Variants in C3orf22 observed in about 807,000 individuals in gnomAD.
C3orf22 encodes the protein uncharacterized protein C3orf22.
C3orf22 carries 7 observed loss-of-function variants against 10.8 expected under a neutral mutation model. The ratio of observed to expected loss-of-function variants is 0.65; its 90% CI spans 0.37 to 1.22. The LOEUF (loss-of-function observed/expected upper bound fraction) is 1.22. Among genes scored for constraint, C3orf22 ranks in the 50% most tolerant of loss-of-function variants. The pLI, the probability that C3orf22 is intolerant of heterozygous loss-of-function variation, is 0.02. For missense variants in C3orf22, 173 were observed against 177.0 expected (o/e 0.98, Z 0.13); for synonymous variants, 79 against 78.9 (o/e 1.00, Z 0.00).
At chr3:126,531,252 T>C (rs1024707403) in intron 4 of C3orf22, among the ~76,000 whole-genome samples, 51 of 152,210 alleles carry the variant, frequency 3.4e-4, no homozygotes, top group African/African-American at 1.2e-3. Flanking sequence ...CCCGGGATTC[T>C]TGAGTTTAAT....
chr3:126,550,424 C>T (rs1937155636), intron 3 of C3orf22, among the ~76,000 whole-genome samples: 1 of 152,176 alleles, frequency 6.6e-6, no homozygotes, highest in African/African-American at 2.4e-5. Context: ...ATTTTTAGCA[C>T]CTGCCGGAGG....
At chr3:126,547,009 G>A (rs760073089), downstream of C3orf22, among the ~76,000 whole-genome samples, 10 of 152,178 alleles carry the variant, frequency 6.6e-5, no homozygotes, top group Non-Finnish European at 8.8e-5. Context: ...TGGCAGTGCC[G>A]ACATGAATGT....
chr3:126,542,142 A>G (rs750697623), intron 4 of C3orf22: 25 of 1,562,266 alleles, frequency 1.6e-5, no homozygotes, highest in Non-Finnish European at 2.1e-5. Flanking sequence ...GCCGCCTTCC[A>G]GAGGCGCTAC....
chr3:126,529,125 C>T (rs1936595476), intron 5 of C3orf22: 6 of 413,156 alleles, frequency 1.5e-5, no homozygotes, highest in South Asian at 9.1e-5. Context: ...GATGGCTGTG[C>T]CCTCACCCTG....
At chr3:126,538,748 T>A (rs1254721514) in intron 4 of C3orf22, among the ~76,000 whole-genome samples, 3 of 152,318 alleles carry the variant, frequency 2.0e-5, no homozygotes, top group Admixed American at 2.0e-4. Flanking sequence ...GTCTCCCAGG[T>A]GTCCCCATAC....
intron 2 of C3orf22, 146 bp downstream of exon 2, chr3:126,553,156 G>C (rs1272342370): frequency 5.6e-6 from 4 of 720,368 alleles, no homozygotes; most frequent in East Asian, 2.5e-5. Context: ...ACCCCAGACT[G>C]TCAGCTGGGC....
At chr3:126,546,274 G>A (rs560286165), downstream of C3orf22, among the ~76,000 whole-genome samples, 9 of 152,314 alleles carry the variant, frequency 5.9e-5, no homozygotes, top group South Asian at 4.1e-4. Context: ...GAAGTCGGGC[G>A]ATAAATGCTC....
downstream of C3orf22, among the ~76,000 whole-genome samples, chr3:126,545,938 A>T (rs527485180): frequency 6.6e-6 from 1 of 152,174 alleles, no homozygotes; most frequent in South Asian, 2.1e-4. Context: ...GCCCTTTTCC[A>T]TGAGAGTGAG....
chr3:126,539,473 GCA>G (rs761229262), intron 4 of C3orf22, among the ~76,000 whole-genome samples: 13 of 140,468 alleles, frequency 9.3e-5, no homozygotes, highest in South Asian at 2.3e-4. Flanking sequence ...CACACACACT[GCA>G]CACACACACA....
chr3:126,554,127 A>G (rs1414175528), intron 1 of C3orf22, among the ~76,000 whole-genome samples: 3 of 151,854 alleles, frequency 2.0e-5, no homozygotes, highest in African/African-American at 4.8e-5. Context: ...TGATCCTGCC[A>G]CCTCAGCCTC....
rs185702812 is a variant in C3orf22 at position 126,558,580 on chromosome 3, C to T, written c.-41+47G>A. ...TGTTGCTGCTTCCCAAGTCCCTAAC[C>T]GACTTGGGGACTGTCCTTTCCAGCC... On this transcript the variant is annotated intron_variant, in intron 1 of 3. Coordinates refer to ENST00000318225, the MANE Select transcript of C3orf22 (RefSeq NM_152533.3). 1,550 of 152,554 alleles carry T rather than the reference C, an allele frequency of 0.01. 14 individuals are homozygous for T. The highest frequency in any genetic ancestry group is 0.013 in the Non-Finnish European group (920 of 68,232). The allele number at this position is 152,554 out of a possible 1,614,324, so 9.5% of individuals were successfully genotyped here. A position where few individuals can be genotyped will look rare whatever the true frequency, so the allele number is the denominator to read the frequency against.
intron 1 of C3orf22, among the ~76,000 whole-genome samples, chr3:126,554,962 C>T (rs1297695519): frequency 1.3e-5 from 2 of 152,196 alleles, no homozygotes; most frequent in Non-Finnish European, 2.9e-5. Context: ...CTGTCCGAGA[C>T]GGCAGCTGCT....
intron 1 of C3orf22, 103 bp downstream of exon 1, chr3:126,558,524 T>C (rs74907858): frequency 0.027 from 4,117 of 152,440 alleles, 94 homozygotes; most frequent in African/African-American, 0.06. Context: ...TCTGCCATCA[T>C]GACCCTGTCC....
exon 5 of C3orf22, chr3:126,529,336 T>C (rs1368920259): frequency 5.4e-6 from 7 of 1,289,258 alleles, no homozygotes; most frequent in African/African-American, 1.5e-5. Context: ...CCTGGGCTGG[T>C]ATTTCCTCAT....
chr3:126,556,893 C>CAT (rs1481043952), intron 1 of C3orf22, among the ~76,000 whole-genome samples: 1 of 149,962 alleles, frequency 6.7e-6, no homozygotes, highest in Non-Finnish European at 1.5e-5. Flanking sequence ...GACTCACACA[C>CAT]ATGCTCAGAC....
intron 4 of C3orf22, among the ~76,000 whole-genome samples, chr3:126,533,131 A>G (rs1423768153): frequency 6.6e-6 from 1 of 152,084 alleles, no homozygotes; most frequent in Non-Finnish European, 1.5e-5. Flanking sequence ...CAGTTTGTGA[A>G]TTCTTTAGGG....
chr3:126,540,555 G>A (rs1003177528), intron 4 of C3orf22, among the ~76,000 whole-genome samples: 5 of 152,230 alleles, frequency 3.3e-5, no homozygotes, highest in Non-Finnish European at 5.9e-5. Flanking sequence ...GTGGCAGCAT[G>A]TGTCAGCACC....
chr3:126,541,692 G>A (rs1936959044), intron 4 of C3orf22: 2 of 1,404,956 alleles, frequency 1.4e-6, no homozygotes, highest in South Asian at 3.1e-5. Context: ...AGCCCGCGCT[G>A]CCCTGACGCG....
In C3orf22 at chr3:126,556,829, A is replaced by T. The variant is rs567281936; in HGVS notation, c.-41+1798T>A. On this transcript the variant is annotated intron_variant, in intron 1 of 3. Coordinates refer to ENST00000318225, the MANE Select transcript of C3orf22 (RefSeq NM_152533.3). ...CACCCACACACACAGACTCACATAC[A>T]CACTCACACACAGACACCCCCCACA... is the stretch of plus-strand genomic sequence containing the variant. Among the ~76,000 whole-genome samples, 14 of 24,718 alleles carry T rather than the reference A, an allele frequency of 5.7e-4. No homozygotes were observed. The East Asian group carries it at 0.048, about 85-fold the overall frequency. 16.2% of individuals were successfully genotyped at this position (24,718 alleles called of 152,430 possible).
Sources: gnomAD v4.1 joint callset for allele counts (sites outside exome capture counted in the v4.1 genomes callset) on GRCh38, gnomAD v4.1.1 for gene constraint, MANE v1.5 for transcripts, NCBI Gene and HGNC (gene_info 2026-07-23, HGNC 2026-07-21) for gene names.